UFD1: variants seen among roughly 807,000 people sequenced by gnomAD.
UFD1 encodes ubiquitin recognition factor in ER associated degradation 1, also known as ubiquitin recognition factor in ER-associated degradation protein 1.
A neutral mutation model predicts 45.9 loss-of-function variants in UFD1; 13 were observed. The ratio of observed to expected loss-of-function variants is 0.28; its 90% CI spans 0.18 to 0.45. The LOEUF is 0.45. UFD1 is among the 20% of genes least tolerant of loss of function. The pLI is 1.00. For synonymous variants in UFD1, 128 were observed against 139.2 expected, an observed-to-expected ratio of 0.92 and a Z score of 0.56; for missense variants, 218 against 389.2, an observed-to-expected ratio of 0.56 and a Z score of 3.70.
In UFD1 at chr22:19,454,729, A is replaced by T. The variant is rs912724252; in HGVS notation, c.849+20T>A. On this transcript the variant is annotated intron_variant, in intron 11 of 11. Transcript: ENST00000263202. ...AATCTCCTCATTACCAACCAAGGAAATACAAGGAAATACACTCACCTCTTC... is the reference window on the plus strand; with the variant it reads ...AATCTCCTCATTACCAACCAAGGAATTACAAGGAAATACACTCACCTCTTC... 3.1e-6 allele frequency: 5 copies of T among 1,613,680 alleles called. No homozygotes were observed. The highest frequency in any genetic ancestry group is 1.7e-5 in the Admixed American group (1 of 59,972).
chr22:19,470,854 C>A (rs146777073), intron 4 of UFD1: 5,114 of 457,422 alleles, frequency 0.011, 77 homozygotes, highest in South Asian at 0.031. Context: ...GTGCTTCAGA[C>A]CACCTCCCTG....
In UFD1 at chr22:19,451,909, G is replaced by A. The variant is rs900774118; in HGVS notation, c.850-1165C>T. ...TGGCCTTTCTCTAGGTGCCGTACAT[G>A]TTAGTGGGGGCTCCTTATTTCCTGG... On this transcript the variant is annotated intron_variant, in intron 11 of 11. Coordinates refer to ENST00000263202, the MANE Select transcript of UFD1 (RefSeq NM_005659.7). The A allele has an allele frequency of 2.2e-5, 22 of 985,348 alleles. No homozygotes were observed. The Admixed American group carries it at 3.7e-4, about 17-fold the overall frequency. 61.0% of individuals were successfully genotyped at this position (985,348 alleles called of 1,614,324 possible).
chr22:19,454,618 G>C (rs745578303), intron 11 of UFD1, 131 bp downstream of exon 11: 1 of 1,538,862 alleles, frequency 6.5e-7, no homozygotes, highest in Non-Finnish European at 8.8e-7. Context: ...GCCCAGTCTC[G>C]GGTACATCTT....
chr22:19,478,942 C>T, intron 1 of UFD1, 141 bp downstream of exon 1: 3 of 1,169,564 alleles, frequency 2.6e-6, no homozygotes, highest in Non-Finnish European at 3.5e-6. Context: ...GTGCCCGGTG[C>T]GGCCGATGAG....
intron 6 of UFD1, among the ~76,000 whole-genome samples, chr22:19,458,732 C>T (rs547416966): frequency 2.0e-4 from 30 of 152,306 alleles, no homozygotes; most frequent in African/African-American, 5.8e-4. Context: ...CATAAGCCAC[C>T]GCACTCGGCC....
intron 6 of UFD1, among the ~76,000 whole-genome samples, chr22:19,462,359 C>T (rs2089773845): frequency 6.6e-6 from 1 of 152,124 alleles, no homozygotes; most frequent in Non-Finnish European, 1.5e-5. Flanking sequence ...TAATTCTAAA[C>T]AACTCTCTCA....
chr22:19,474,349 A>T (rs1431426669), intron 3 of UFD1, among the ~76,000 whole-genome samples: 1 of 152,120 alleles, frequency 6.6e-6, no homozygotes, highest in Non-Finnish European at 1.5e-5. Flanking sequence ...GTTCAAGACC[A>T]GCCTGCCCAA....
chr22:19,474,996 A>C, intron 3 of UFD1, 72 bp downstream of exon 3: 1 of 1,428,066 alleles, frequency 7.0e-7, no homozygotes, highest in Non-Finnish European at 9.7e-7. Context: ...GGATGTACTG[A>C]GGAGCCCATG....
At chr22:19,454,287 C>T in intron 11 of UFD1, 5 of 998,454 alleles carry the variant, frequency 5.0e-6, no homozygotes, top group Non-Finnish European at 6.0e-6. Flanking sequence ...GAAAACATGA[C>T]AGACACCCTC....
At chr22:19,460,733 C>T (rs755940959) in intron 6 of UFD1, among the ~76,000 whole-genome samples, 4 of 150,394 alleles carry the variant, frequency 2.7e-5, no homozygotes, top group Admixed American at 6.6e-5. Flanking sequence ...CCTGCTTCCT[C>T]GAGGCCCTGG....
chr22:19,474,807 GAAGGGA>G (rs2089870100), intron 3 of UFD1, among the ~76,000 whole-genome samples: 2 of 152,184 alleles, frequency 1.3e-5, no homozygotes, highest in African/African-American at 4.8e-5. Context: ...TGGTGATCAG[GAAGGGA>G]AAGGGAACCC....
rs1235755903 is a variant in UFD1 at position 19,449,996 on chromosome 22, C to T, written c.*674G>A. On this transcript the variant is annotated 3_prime_UTR_variant, in exon 12 of 12. Coordinates refer to ENST00000263202, the MANE Select transcript of UFD1 (RefSeq NM_005659.7). ...AACATCTCTTTAGCATTTGTTCATT[C>T]TAACATTCACATGTTTGCTTCTCCA... The T allele has an allele frequency of 6.6e-6, 1 of 152,188 alleles. No individual in the cohort carries two copies. The highest frequency in any genetic ancestry group is 1.5e-5 in the Non-Finnish European group (1 of 68,042). 9.4% of individuals were successfully genotyped at this position (152,188 alleles called of 1,614,324 possible).
At position 19,479,103 on chromosome 22, in the gene UFD1, A is replaced by T. The variant is rs764224483; in HGVS notation, c.-18T>A. 36 of 1,601,840 alleles carry T rather than the reference A, an allele frequency of 2.2e-5. No individual in the cohort carries two copies. In the South Asian group the frequency reaches 3.1e-4, roughly 14 times the overall value. ...CTTACCATGATGGACACCACCTGGC[A>T]GACTCCGCTCCTCTCAGGCAATGCA... is the stretch of plus-strand genomic sequence containing the variant. On this transcript the variant is annotated 5_prime_UTR_variant, in exon 1 of 12. Coordinates refer to ENST00000263202, the MANE Select transcript of UFD1 (RefSeq NM_005659.7).
At chr22:19,471,560 G>A (rs989600414) in intron 4 of UFD1, 127 bp downstream of exon 4, 23 of 1,377,012 alleles carry the variant, frequency 1.7e-5, no homozygotes, top group Admixed American at 1.1e-4. Flanking sequence ...TCGCTGGGTC[G>A]GCTCAGGCTA....
Position 19,454,766 on chromosome 22 carries a change from C to T in UFD1, c.832G>A (p.Val278Ile), listed in dbSNP as rs567211282. 2 of 1,614,080 alleles carry T rather than the reference C, an allele frequency of 1.2e-6. No individual in the cohort carries two copies. Among genetic ancestry groups the T allele is most frequent in the African/African-American group, 1.3e-5 (1 of 75,042 alleles). Residue 278 changes from valine (V) to isoleucine (I), a missense_variant, in exon 11 of 12, where the codon GTC becomes ATC. By Grantham distance (29) the Val-to-Ile change is conservative. This residue lies in a region of UFD1 where 69 missense variants were observed against 81.7 expected (regional missense o/e 0.84). Coordinates refer to ENST00000263202, the MANE Select transcript of UFD1 (RefSeq NM_005659.7). ...ITFIRNSRPLVKKVEEDEAGG... is the reference protein window; with the variant it reads ...ITFIRNSRPLIKKVEEDEAGG... The stretch of plus-strand genomic sequence containing the variant: ...ACACTCACCTCTTCAACCTTTTTGA[C>T]AAGGGGACGTGAATTTCTGATGAAA...
chr22:19,463,604 T>A (rs1325838842), intron 6 of UFD1, among the ~76,000 whole-genome samples: 2 of 152,190 alleles, frequency 1.3e-5, no homozygotes, highest in African/African-American at 2.4e-5. Flanking sequence ...TCTGTTTATT[T>A]CTCCTGAGAC....
chr22:19,467,164 GTTT>G (rs993641766), intron 5 of UFD1: 1 of 142,502 alleles, frequency 7.0e-6, no homozygotes, highest in Non-Finnish European at 1.5e-5. Flanking sequence ...TTGACTGTTT[GTTT>G]TTTTTTTCAA....
Position 19,479,109 on chromosome 22 carries a change from C to T in UFD1, c.-24G>A, listed in dbSNP as rs753817141. 1.9e-6 allele frequency: 3 copies of T among 1,610,964 alleles called. No homozygotes were observed. Among genetic ancestry groups the T allele is most frequent in the African/African-American group, 2.7e-5 (2 of 74,854 alleles). ...ATGATGGACACCACCTGGCAGACTC[C>T]GCTCCTCTCAGGCAATGCAACGAAG... On this transcript the variant is annotated 5_prime_UTR_variant, in exon 1 of 12. Transcript: ENST00000263202.
In UFD1 at chr22:19,458,067, T is replaced by TCAATGTCA. The variant is rs773104361; in HGVS notation, c.564+3_564+4insTGACATTG. ...GCTCACTGTAACTGGACAGAGCCAC[T>TCAATGTCA]CACGTTCATGTCACACTCAATGATG... On this transcript the variant is annotated splice_donor_region_variant and intron_variant, in intron 7 of 11. Coordinates refer to ENST00000263202, the MANE Select transcript of UFD1 (RefSeq NM_005659.7). 6.2e-7 allele frequency: 1 copy of TCAATGTCA among 1,614,064 alleles called. No homozygotes were observed. Among genetic ancestry groups the TCAATGTCA allele is most frequent in the Non-Finnish European group, 8.5e-7 (1 of 1,179,960 alleles).
Sources: allele counts gnomAD v4.1 joint callset (sites outside exome capture counted in the v4.1 genomes callset), GRCh38; gene constraint gnomAD v4.1.1; regional missense constraint gnomAD v4.1.1; transcripts MANE v1.5; gene names NCBI Gene and HGNC (gene_info 2026-07-23, HGNC 2026-07-21).